Variants in ELMO1 observed in about 807,000 individuals in gnomAD.
ELMO1 encodes the protein engulfment and cell motility 1.
In ELMO1, 26 loss-of-function variants were observed where a neutral mutation model predicts 98.9. The observed-to-expected ratio is 0.26, with a 90% CI of 0.19 to 0.36. The LOEUF is 0.36. Among genes scored for constraint, ELMO1 ranks in the 10% least tolerant of loss-of-function variants. The pLI is 1.00. For synonymous variants in ELMO1, 346 were observed against 346.0 expected (o/e 1.00, Z 0.00); for missense variants, 627 against 935.2 (o/e 0.67, Z 4.30).
In ELMO1 at chr7:37,279,377, C is replaced by T. The variant is rs114122290; in HGVS notation, c.193-7495G>A. ...TTGCAGCTCCGGACAGAGTAGCGTG[C>T]GGAAGCTCGCTTTGTGGATTTTAGC... On this transcript the variant is annotated intron_variant, in intron 4 of 21. Coordinates refer to ENST00000310758, the MANE Select transcript of ELMO1 (RefSeq NM_014800.11). 1.0e-2 allele frequency among the ~76,000 whole-genome samples: 1,521 copies of T among 152,168 alleles called. 28 individuals are homozygous for T. Among genetic ancestry groups the T allele is most frequent in the African/African-American group, 0.035 (1,464 of 41,506 alleles).
intron 4 of ELMO1, among the ~76,000 whole-genome samples, chr7:37,279,373 C>T (rs1000698029): frequency 3.3e-5 from 5 of 152,114 alleles, no homozygotes; most frequent in Non-Finnish European, 7.4e-5. Context: ...GACAGAGTAG[C>T]GTGCGGAAGC....
intron 13 of ELMO1, among the ~76,000 whole-genome samples, chr7:37,184,749 C>CAA (rs61085533): frequency 2.6e-5 from 4 of 151,680 alleles, no homozygotes; most frequent in African/African-American, 9.7e-5. Context: ...CTCTACCCCC[C>CAA]AAAAAAGACA....
At chr7:36,919,260 G>A (rs141349588) in intron 16 of ELMO1, 5 of 413,820 alleles carry the variant, frequency 1.2e-5, no homozygotes, top group Middle Eastern at 3.8e-4. Flanking sequence ...TAGGATAATC[G>A]TTCATGTCTA....
At chr7:37,127,770 T>C (rs868597085) in intron 14 of ELMO1, among the ~76,000 whole-genome samples, 1 of 152,332 alleles carries the variant, frequency 6.6e-6, no homozygotes, top group Non-Finnish European at 1.5e-5. Flanking sequence ...CTAGGTTTCC[T>C]TGCCATTGCT....
At chr7:37,250,791 CA>C (rs574487076) in intron 6 of ELMO1, among the ~76,000 whole-genome samples, 394 of 64,834 alleles carry the variant, frequency 6.1e-3, no homozygotes, top group Middle Eastern at 0.04. Context: ...GACTCCGTCT[CA>C]AAAAAAAAAA....
intron 15 of ELMO1, among the ~76,000 whole-genome samples, chr7:37,083,432 G>A (rs545393116): frequency 6.6e-6 from 1 of 152,090 alleles, no homozygotes; most frequent in African/African-American, 2.4e-5. Flanking sequence ...AAAGAAACCA[G>A]CAGATTTCCA....
chr7:37,163,594 T>C (rs960946892), intron 13 of ELMO1, among the ~76,000 whole-genome samples: 2 of 152,130 alleles, frequency 1.3e-5, no homozygotes, highest in South Asian at 2.1e-4. Flanking sequence ...TATGCGGTGT[T>C]TGGTTTTTTG....
At chr7:37,350,087 G>A (rs1367923893) in intron 1 of ELMO1, among the ~76,000 whole-genome samples, 1 of 152,136 alleles carries the variant, frequency 6.6e-6, no homozygotes, top group African/African-American at 2.4e-5. Flanking sequence ...TGGTGGGGGT[G>A]TCATTTCAGG....
chr7:37,082,535 C>G (rs575550833), intron 15 of ELMO1, among the ~76,000 whole-genome samples: 1 of 151,794 alleles, frequency 6.6e-6, no homozygotes, highest in South Asian at 2.1e-4. Context: ...GAAACCCTGT[C>G]TCTACCAAAA....
chr7:37,048,525 G>A (rs1795924965), intron 15 of ELMO1, among the ~76,000 whole-genome samples: 1 of 152,348 alleles, frequency 6.6e-6, no homozygotes, highest in African/African-American at 2.4e-5. Flanking sequence ...GTACCAGAGA[G>A]TAGAAGCCTC....
intron 4 of ELMO1, among the ~76,000 whole-genome samples, chr7:37,274,100 T>C (rs10951512): frequency 0.083 from 12,632 of 152,124 alleles, 709 homozygotes; most frequent in African/African-American, 0.15. Context: ...GCTAGCTCAT[T>C]GTTACTAGAA....
intron 1 of ELMO1, among the ~76,000 whole-genome samples, chr7:37,406,940 T>A (rs1803795701): frequency 6.6e-6 from 1 of 152,204 alleles, no homozygotes. Context: ...TAACTGTCAG[T>A]AAGAATTTGT....
intron 6 of ELMO1, among the ~76,000 whole-genome samples, chr7:37,250,291 T>C (rs1339541182): frequency 6.6e-6 from 1 of 152,090 alleles, no homozygotes; most frequent in Non-Finnish European, 1.5e-5. Flanking sequence ...CACATGGAAA[T>C]ATTGTTAGGT....
At chr7:37,216,323 G>A (rs1196102342) in intron 11 of ELMO1, among the ~76,000 whole-genome samples, 1 of 151,952 alleles carries the variant, frequency 6.6e-6, no homozygotes, top group East Asian at 1.9e-4. Context: ...AACCTCATCA[G>A]GGTGAATCTT....
chr7:37,019,732 A>G (rs1428358564), intron 15 of ELMO1, among the ~76,000 whole-genome samples: 1 of 152,216 alleles, frequency 6.6e-6, no homozygotes, highest in Non-Finnish European at 1.5e-5. Context: ...AAATAGTAAG[A>G]CGTTTAAAAA....
intron 4 of ELMO1, among the ~76,000 whole-genome samples, chr7:37,301,116 C>A (rs1798318077): frequency 6.6e-6 from 1 of 151,946 alleles, no homozygotes; most frequent in East Asian, 1.9e-4. Context: ...GTGGTGATAT[C>A]CCCTTTATCA....
intron 1 of ELMO1, among the ~76,000 whole-genome samples, chr7:37,378,592 A>G (rs1802457205): frequency 6.6e-6 from 1 of 150,742 alleles, no homozygotes; most frequent in African/African-American, 2.4e-5. Context: ...CCGTGGTATA[A>G]ACGAAAAAAA....
intron 16 of ELMO1, among the ~76,000 whole-genome samples, chr7:36,995,223 A>T (rs1792120625): frequency 6.6e-6 from 1 of 152,130 alleles, no homozygotes; most frequent in Non-Finnish European, 1.5e-5. Flanking sequence ...AAAATCATTC[A>T]ACCTGGCTGG....
At chr7:37,403,607 T>C (rs13236904) in intron 1 of ELMO1, among the ~76,000 whole-genome samples, 34,825 of 152,044 alleles carry the variant, frequency 0.23, 4,216 homozygotes, top group East Asian at 0.43. Flanking sequence ...TGCAGTGACA[T>C]GATCACAGCT....
Sources: allele counts gnomAD v4.1 joint callset (sites outside exome capture counted in the v4.1 genomes callset), GRCh38; gene constraint gnomAD v4.1.1; transcripts MANE v1.5; gene names NCBI Gene and HGNC (gene_info 2026-07-23, HGNC 2026-07-21).